The following SGCB variants were observed in gnomAD, a reference collection of about 807,000 sequenced individuals.
SGCB encodes the protein sarcoglycan beta.
A neutral mutation model predicts 27.3 loss-of-function variants in SGCB; 25 were observed. The observed-to-expected ratio is 0.92, with a 90% CI of 0.67 to 1.28. The LOEUF (loss-of-function observed/expected upper bound fraction) is 1.28, where lower values mean the gene tolerates loss of function less well. SGCB is among the 50% of genes most tolerant of loss of function. SGCB has a pLI of 0.00. For missense variants in SGCB, 436 were observed against 402.1 expected (o/e 1.08, Z -0.72); for synonymous variants, 147 against 133.5 (o/e 1.10, Z -0.70).
intron 1 of SGCB, among the ~76,000 whole-genome samples, 194 bp from the exon 2 acceptor site, chr4:52,033,834 A>T (rs1433877262): frequency 6.6e-6 from 1 of 152,168 alleles, no homozygotes; most frequent in Non-Finnish European, 1.5e-5. Flanking sequence ...TACAGAAGAA[A>T]CTTCAAGGTC....
At chr4:52,035,346 T>A (rs1737358754) in intron 1 of SGCB, among the ~76,000 whole-genome samples, 1 of 152,226 alleles carries the variant, frequency 6.6e-6, no homozygotes, top group African/African-American at 2.4e-5. Context: ...GCACTCTGTA[T>A]GTTCAGGTGC....
At chr4:52,036,991 G>T (rs945068387) in intron 1 of SGCB, among the ~76,000 whole-genome samples, 1 of 152,184 alleles carries the variant, frequency 6.6e-6, no homozygotes, top group African/African-American at 2.4e-5. Flanking sequence ...GGCTGGAGAC[G>T]TAATGCGTAA....
intron 2 of SGCB, among the ~76,000 whole-genome samples, 197 bp from the exon 3 acceptor site, chr4:52,030,060 A>G (rs559449553): frequency 6.6e-6 from 1 of 152,334 alleles, no homozygotes; most frequent in South Asian, 2.1e-4. Flanking sequence ...AAATAGCTAA[A>G]AGTCAAAATG....
rs1419627992 is a variant in SGCB at position 52,022,870 on chromosome 4, C to T, written c.*1087G>A. On this transcript the variant is annotated 3_prime_UTR_variant, in exon 6 of 6. Coordinates refer to ENST00000381431, the MANE Select transcript of SGCB (RefSeq NM_000232.5). ...CATCGTATAATATTTTGGAATTGGC[C>T]CAACATAGCTTACAATCGGACAGTG... 1 of 152,136 alleles carries T rather than the reference C, an allele frequency of 6.6e-6. No homozygotes were observed. Among genetic ancestry groups the T allele is most frequent in the Admixed American group, 6.5e-5 (1 of 15,268 alleles). The allele number at this position is 152,136 out of a possible 1,614,324, so 9.4% of individuals were successfully genotyped here.
At position 52,024,018 on chromosome 4, in the gene SGCB, T is replaced by C; in HGVS notation, c.896A>G (p.Gln299Arg). The C allele has an allele frequency of 6.2e-7, 1 of 1,614,184 alleles. No individual in the cohort carries two copies. The highest frequency in any genetic ancestry group is 8.5e-7 in the Non-Finnish European group (1 of 1,180,028). The change falls in exon 6 of 6, where the codon CAA (glutamine) becomes CGA (arginine). Residue 299 changes from glutamine to arginine, a missense_variant. Physicochemically the swap from Gln to Arg is conservative, Grantham distance 43. Coordinates refer to ENST00000381431, the MANE Select transcript of SGCB (RefSeq NM_000232.5). ...MCADGTLFKVQVTSQNMGCQI... is the reference protein window; with the variant it reads ...MCADGTLFKVRVTSQNMGCQI... ...GCAGCCCATGTTCTGGCTGGTTACTTGCACCTTGAAGAGCGTCCCATCAGC... is the reference window on the plus strand; with the variant it reads ...GCAGCCCATGTTCTGGCTGGTTACTCGCACCTTGAAGAGCGTCCCATCAGC...
At position 52,023,043 on chromosome 4, in the gene SGCB, CAG is replaced by C. The variant is rs1478719813; in HGVS notation, c.*912_*913del. ...GTTTTAAATAATTAAAAAGTCAGTGCAGAGAGTGAAAACAACATGGCATTTGG... is the reference window on the plus strand; with the variant it reads ...GTTTTAAATAATTAAAAAGTCAGTGCAGAGTGAAAACAACATGGCATTTGG... On this transcript the variant is annotated 3_prime_UTR_variant, in exon 6 of 6. Coordinates refer to ENST00000381431, the MANE Select transcript of SGCB (RefSeq NM_000232.5). 1 of 152,146 alleles carries C rather than the reference CAG, an allele frequency of 6.6e-6. No individual in the cohort carries two copies. The highest frequency in any genetic ancestry group is 1.5e-5 in the Non-Finnish European group (1 of 68,028). 9.4% of individuals were successfully genotyped at this position (152,146 alleles called of 1,614,324 possible). A position where few individuals can be genotyped will look rare whatever the true frequency, so the allele number is the denominator to read the frequency against.
chr4:52,034,645 ATATATTT>A (rs1464083776), intron 1 of SGCB, among the ~76,000 whole-genome samples: 5 of 152,108 alleles, frequency 3.3e-5, no homozygotes, highest in Admixed American at 2.6e-4. Context: ...GGACAACGGT[ATATATTT>A]TCATTTATAT....
intron 3 of SGCB, among the ~76,000 whole-genome samples, 164 bp from the exon 4 acceptor site, chr4:52,029,085 T>C (rs1270767139): frequency 6.6e-6 from 1 of 152,224 alleles, no homozygotes; most frequent in African/African-American, 2.4e-5. Context: ...CTCCATCCAC[T>C]TGGAAGAAGA....
chr4:52,031,380 A>T (rs1472192201), intron 2 of SGCB, among the ~76,000 whole-genome samples: 1 of 140,878 alleles, frequency 7.1e-6, no homozygotes, highest in Non-Finnish European at 1.5e-5. Flanking sequence ...CTACCCACCC[A>T]CCCATTCATC....
At chr4:52,034,575 G>A (rs1039158938) in intron 1 of SGCB, among the ~76,000 whole-genome samples, 2 of 151,938 alleles carry the variant, frequency 1.3e-5, no homozygotes, top group Non-Finnish European at 2.9e-5. Context: ...AGGGACTTGA[G>A]CATCAATGGA....
intron 4 of SGCB, among the ~76,000 whole-genome samples, chr4:52,028,401 G>GCCGAGACGGGCGGATCA (rs1469047110): frequency 1.3e-5 from 2 of 152,174 alleles, no homozygotes; most frequent in Non-Finnish European, 2.9e-5. Flanking sequence ...ACTTTGGGAG[G>GCCGAGACGGGCGGATCA]CCGAGACGGG....
chr4:52,029,054 G>C, intron 3 of SGCB, 133 bp from the exon 4 acceptor site: 1 of 659,752 alleles, frequency 1.5e-6, no homozygotes, highest in South Asian at 1.8e-5. Context: ...CTTCAAATAC[G>C]TTTAACTCTG....
rs769652806 is a variant in SGCB, at chr4:52,024,096, C to T, written c.818G>A (p.Ser273Asn). 2.5e-6 allele frequency: 4 copies of T among 1,614,054 alleles called. No homozygotes were observed. Among genetic ancestry groups the T allele is most frequent in the South Asian group, 2.2e-5 (2 of 91,090 alleles). Residue 273 changes from serine to asparagine, a missense_variant, in exon 6 of 6, where the codon AGT becomes AAT. Transcript: ENST00000381431. ...VSTTRLPSSS[S>N]GDQLGSGDWV... ...GTCACCACTACCCAACTGGTCTCCA[C>T]TGGAGGAACTGGGTAGGCGGGTGGT...
chr4:52,033,536 C>A lies in SGCB; in HGVS notation c.138G>T (p.Pro46=). 2 of 1,613,556 alleles carry A rather than the reference C, an allele frequency of 1.2e-6. No homozygotes were observed. The highest frequency in any genetic ancestry group is 1.7e-6 in the Non-Finnish European group (2 of 1,179,516). The change falls in exon 2 of 6, where the codon CCG becomes CCT. Residue 46 remains proline (P), a synonymous_variant. Transcript: ENST00000381431. ...HNSNFKAGYI[P]IDEDRLHKTG... is the part of the protein sequence containing the mutation. ...TTTTGTGGAGACGATCTTCATCAAT[C>A]GGAATGTATCCAGCTTTAAAGTTAC...
intron 1 of SGCB, among the ~76,000 whole-genome samples, chr4:52,036,172 GAA>G (rs1019034956): frequency 6.6e-6 from 1 of 152,206 alleles, no homozygotes; most frequent in Non-Finnish European, 1.5e-5. Flanking sequence ...GGGCATCAGG[GAA>G]AGTTTCTAAG....
In SGCB at chr4:52,027,968, C is replaced by T. The variant is rs1352482493; in HGVS notation, c.753G>A (p.Ala251=). 9 of 1,613,514 alleles carry T rather than the reference C, an allele frequency of 5.6e-6. 1 individual carries two copies. The highest frequency in any genetic ancestry group is 4.4e-5 in the South Asian group (4 of 91,058). ...FHMGGNMELK[A]ENSIILNGSV... The stretch of plus-strand genomic sequence containing the variant: ...CTTAAGCTCTTAAAAGAATACTCAC[C>T]GCCTTTAACTCCATATTACCACCCA... Residue 251 remains alanine, a splice_region_variant and synonymous_variant, in exon 5 of 6, where the codon GCG becomes GCA. Transcript: ENST00000381431.
chr4:52,028,184 G>T, intron 4 of SGCB, 85 bp from the exon 5 acceptor site: 4 of 1,073,378 alleles, frequency 3.7e-6, no homozygotes, highest in South Asian at 1.4e-5. Context: ...AGAAGCTTCA[G>T]TCATGAGAGA....
At chr4:52,029,505 T>C (rs1273416307) in intron 3 of SGCB, among the ~76,000 whole-genome samples, 173 bp downstream of exon 3, 2 of 152,150 alleles carry the variant, frequency 1.3e-5, no homozygotes, top group Non-Finnish European at 1.5e-5. Flanking sequence ...TTAATATTTA[T>C]GGATGTTTTA....
At chr4:52,031,459 T>C (rs1375549995) in intron 2 of SGCB, among the ~76,000 whole-genome samples, 3 of 147,136 alleles carry the variant, frequency 2.0e-5, no homozygotes, top group African/African-American at 7.6e-5. Context: ...TGCACGCGCA[T>C]ATCTATGAGT....
Sources: gnomAD v4.1 joint callset for allele counts (sites outside exome capture counted in the v4.1 genomes callset) on GRCh38, gnomAD v4.1.1 for gene constraint, MANE v1.5 for transcripts, NCBI Gene and HGNC (gene_info 2026-07-23, HGNC 2026-07-21) for gene names.